Variants in AP3M1 observed in about 807,000 individuals in gnomAD.
AP3M1 encodes AP-3 complex subunit mu-1.
A neutral mutation model predicts 42.6 loss-of-function variants in AP3M1; 29 were observed. That is an observed-to-expected ratio of 0.68 (90% CI 0.51 to 0.93). The LOEUF (loss-of-function observed/expected upper bound fraction) is 0.93, where lower values mean the gene tolerates loss of function less well. Ranked by LOEUF, AP3M1 falls within the 40% of genes least tolerant of loss-of-function variation. AP3M1 has a pLI of 0.00. For missense variants in AP3M1, 416 were observed against 510.2 expected (o/e 0.82, Z 1.78); for synonymous variants, 178 against 175.3 (o/e 1.02, Z -0.12).
chr10:74,132,040 T>G (rs1040780065), intron 4 of AP3M1, among the ~76,000 whole-genome samples: 1 of 152,004 alleles, frequency 6.6e-6, no homozygotes. Context: ...TTCTTTTTTC[T>G]TTTTTTGTTT....
chr10:74,140,327 A>G (rs955325109), intron 1 of AP3M1, among the ~76,000 whole-genome samples: 10 of 152,156 alleles, frequency 6.6e-5, no homozygotes, highest in African/African-American at 2.2e-4. Flanking sequence ...GGTTAAACTC[A>G]CCTTACACCT....
intron 1 of AP3M1, among the ~76,000 whole-genome samples, chr10:74,141,012 T>G (rs1324725134): frequency 6.6e-6 from 1 of 152,132 alleles, no homozygotes; most frequent in Non-Finnish European, 1.5e-5. Context: ...AAAAAATAGA[T>G]AACCCAGAGT....
chr10:74,129,875 A>G, intron 5 of AP3M1, 32 bp downstream of exon 5: 1 of 1,434,734 alleles, frequency 7.0e-7, no homozygotes. Context: ...TTAGGCATTC[A>G]AGGGGCTATA....
At chr10:74,147,914 A>T (rs960912469) in intron 1 of AP3M1, among the ~76,000 whole-genome samples, 1 of 152,026 alleles carries the variant, frequency 6.6e-6, no homozygotes, top group African/African-American at 2.4e-5. Flanking sequence ...CGGAAGAATC[A>T]CTTGAACTCT....
intron 2 of AP3M1, among the ~76,000 whole-genome samples, 164 bp from the exon 3 acceptor site, chr10:74,136,967 T>C (rs1840968502): frequency 6.6e-6 from 1 of 152,212 alleles, no homozygotes; most frequent in Non-Finnish European, 1.5e-5. Context: ...AGTCCGGGCA[T>C]GGTGGCCCAT....
intron 1 of AP3M1, among the ~76,000 whole-genome samples, chr10:74,143,129 T>C (rs1409739312): frequency 2.0e-5 from 3 of 152,214 alleles, no homozygotes; most frequent in Non-Finnish European, 2.9e-5. Flanking sequence ...GACTGGTGGA[T>C]TACCTGAGGT....
In AP3M1 at chr10:74,136,654, G is replaced by A. The variant is rs1299043533; in HGVS notation, c.423C>T (p.Arg141=). The A allele has an allele frequency of 1.3e-6, 2 of 1,585,226 alleles. No homozygotes were observed. Among genetic ancestry groups the A allele is most frequent in the African/African-American group, 1.3e-5 (1 of 74,654 alleles). ...TACCTGTAATAGAGTTGACAACAGA[G>A]CGTAGAATTGTTGGTGGTTTAATCA... The part of the protein sequence containing the change: ...KELIKPPTIL[R]SVVNSITGSS... Residue 141 remains arginine, a synonymous_variant, in exon 3 of 9, where the codon CGC becomes CGT. Coordinates refer to ENST00000355264, the MANE Select transcript of AP3M1 (RefSeq NM_012095.6).
chr10:74,123,855 T>C lies in AP3M1; in HGVS notation c.1212A>G (p.Gly404=), dbSNP rs1199960236. The C allele has an allele frequency of 6.2e-7, 1 of 1,614,190 alleles. No individual in the cohort carries two copies. The highest frequency in any genetic ancestry group is 1.3e-5 in the African/African-American group (1 of 75,060). ...TTCCAGCTTTCGTGACGTATTTGAC[T>C]CCTTTAAATGGCTTATATTTCTCCC... ...MYGEKYKPFK[G]VKYVTKAGKF... The change falls in exon 9 of 9, where the codon GGA becomes GGG. Residue 404 remains glycine, a synonymous_variant. Transcript: ENST00000355264.
rs745787552 is a variant in AP3M1, at chr10:74,130,008, A to C, written c.584-16T>G. The stretch of plus-strand genomic sequence containing the variant: ...ACTGTAGATCCTGAAGAAAGAAAAA[A>C]AAAAGGAAGATAACATCAATGGAAT... On this transcript the variant is annotated splice_polypyrimidine_tract_variant and intron_variant, in intron 4 of 8. Coordinates refer to ENST00000355264, the MANE Select transcript of AP3M1 (RefSeq NM_012095.6). The C allele has an allele frequency of 2.3e-5, 36 of 1,547,542 alleles. No individual in the cohort carries two copies. Among genetic ancestry groups the C allele is most frequent in the Admixed American group, 8.4e-5 (5 of 59,770 alleles).
intron 1 of AP3M1, among the ~76,000 whole-genome samples, chr10:74,144,317 T>C (rs1219971426): frequency 6.6e-6 from 1 of 151,494 alleles, no homozygotes; most frequent in Non-Finnish European, 1.5e-5. Context: ...CAGGCTGGAG[T>C]GCAGCTGCGT....
At chr10:74,124,662 G>T in intron 7 of AP3M1, 138 bp from the exon 8 acceptor site, 1 of 672,424 alleles carries the variant, frequency 1.5e-6, no homozygotes, top group African/African-American at 1.8e-5. Context: ...GGCATCTACA[G>T]TGAGTTTACC....
chr10:74,129,832 A>G (rs775052700), intron 5 of AP3M1, 75 bp downstream of exon 5: 18 of 1,000,374 alleles, frequency 1.8e-5, no homozygotes, highest in South Asian at 4.0e-5. Flanking sequence ...ACTTATCTCA[A>G]TATTTATCAT....
At chr10:74,148,539 G>T (rs1564558464) in intron 1 of AP3M1, among the ~76,000 whole-genome samples, 1 of 152,112 alleles carries the variant, frequency 6.6e-6, no homozygotes, top group Non-Finnish European at 1.5e-5. Context: ...CTCCCATAGC[G>T]TATGTGTATA....
At chr10:74,128,992 C>T (rs1840697122) in intron 6 of AP3M1, 116 bp downstream of exon 6, 1 of 1,262,848 alleles carries the variant, frequency 7.9e-7, no homozygotes, top group Admixed American at 2.1e-5. Flanking sequence ...TCCTGGTGAG[C>T]TATGGTTAAA....
intron 1 of AP3M1, among the ~76,000 whole-genome samples, chr10:74,148,791 A>C (rs1051224363): frequency 9.2e-5 from 14 of 152,150 alleles, no homozygotes; most frequent in African/African-American, 3.4e-4. Flanking sequence ...TCCTGGCCTC[A>C]AGTGATTTTC....
chr10:74,137,530 A>C (rs953337613), intron 2 of AP3M1, among the ~76,000 whole-genome samples: 1 of 152,222 alleles, frequency 6.6e-6, no homozygotes, highest in Non-Finnish European at 1.5e-5. Context: ...TCTTGAGACC[A>C]TTGAGAGAAC....
At chr10:74,143,470 G>A (rs1340058612) in intron 1 of AP3M1, among the ~76,000 whole-genome samples, 1 of 152,110 alleles carries the variant, frequency 6.6e-6, no homozygotes, top group Non-Finnish European at 1.5e-5. Flanking sequence ...CAAGTGATCC[G>A]CCTGCCTTCG....
At chr10:74,139,704 T>G (rs1841076674) in intron 1 of AP3M1, among the ~76,000 whole-genome samples, 1 of 150,242 alleles carries the variant, frequency 6.7e-6, no homozygotes, top group Non-Finnish European at 1.5e-5. Context: ...GATCACGAGG[T>G]CAGGAGATCG....
intron 1 of AP3M1, among the ~76,000 whole-genome samples, chr10:74,149,015 G>A (rs1841425987): frequency 6.6e-6 from 1 of 151,762 alleles, no homozygotes; most frequent in Admixed American, 6.6e-5. Flanking sequence ...TGGGACTACA[G>A]GCACGTGCCA....
Sources: allele counts gnomAD v4.1 joint callset (sites outside exome capture counted in the v4.1 genomes callset), GRCh38; gene constraint gnomAD v4.1.1; transcripts MANE v1.5; gene names NCBI Gene and HGNC (gene_info 2026-07-23, HGNC 2026-07-21).